The following MELK variants were observed in gnomAD, a reference collection of about 807,000 sequenced individuals.
MELK encodes the protein maternal embryonic leucine zipper kinase, also known as pEg3 kinase.
MELK carries 81 observed loss-of-function variants against 85.0 expected under a neutral mutation model. The observed-to-expected ratio is 0.95, with a 90% confidence interval of 0.80 to 1.15. The LOEUF is 1.15. MELK is among the 50% of genes most tolerant of loss of function. The pLI is 0.00. For missense variants in MELK, 754 were observed against 777.5 expected (o/e 0.97, Z 0.36); for synonymous variants, 252 against 265.0 (o/e 0.95, Z 0.48).
chr9:36,671,126 A>G lies in MELK; in HGVS notation c.1634A>G (p.Lys545Arg), dbSNP rs147882939. The change falls in exon 16 of 18, where the codon AAA (lysine) becomes AGA (arginine). Residue 545 changes from lysine (K) to arginine (R), a missense_variant. Physicochemically the swap from Lys to Arg is conservative, Grantham distance 26 (BLOSUM62 2). Coordinates refer to ENST00000298048, the MANE Select transcript of MELK (RefSeq NM_014791.4). ...DKVITVLTRS[K>R]RKGSARDGPR... ...GTTATCACTGTGCTCACCAGGAGCA[A>G]AAGGAAGGGTTCTGCCAGAGACGGG... is the stretch of plus-strand genomic sequence containing the variant. The G allele has an allele frequency of 6.2e-7, 1 of 1,610,456 alleles. No homozygotes were observed. The highest frequency in any genetic ancestry group is 2.2e-5 in the East Asian group (1 of 44,706).
intron 8 of MELK, among the ~76,000 whole-genome samples, chr9:36,616,994 AATTT>A (rs1211406628): frequency 2.0e-5 from 3 of 152,132 alleles, no homozygotes; most frequent in African/African-American, 7.2e-5. Context: ...CATGTACCAT[AATTT>A]ATTTAACCAG....
At chr9:36,643,334 G>C (rs1829934598) in intron 11 of MELK, among the ~76,000 whole-genome samples, 1 of 151,940 alleles carries the variant, frequency 6.6e-6, no homozygotes, top group Non-Finnish European at 1.5e-5. Context: ...AGTGAGCTGA[G>C]ATCACACCAC....
chr9:36,614,099 C>CTTT (rs112322490), intron 8 of MELK, among the ~76,000 whole-genome samples: 21 of 139,756 alleles, frequency 1.5e-4, no homozygotes, highest in African/African-American at 5.0e-4. Flanking sequence ...TACTAGATGT[C>CTTT]TTTTTTTTTT....
At chr9:36,607,387 TG>T (rs2135831131) in intron 7 of MELK, among the ~76,000 whole-genome samples, 187 bp from the exon 8 acceptor site, 1 of 152,330 alleles carries the variant, frequency 6.6e-6, no homozygotes, top group East Asian at 1.9e-4. Flanking sequence ...TCCAATTGAC[TG>T]GGTGACTTTA....
At chr9:36,651,935 T>G in intron 12 of MELK, 58 bp downstream of exon 12, 2 of 1,501,816 alleles carry the variant, frequency 1.3e-6, no homozygotes, top group Non-Finnish European at 1.8e-6. Flanking sequence ...TGAGTGTGTA[T>G]ACCACTGGGA....
intron 7 of MELK, among the ~76,000 whole-genome samples, chr9:36,606,227 A>G (rs941319015): frequency 6.6e-6 from 1 of 150,564 alleles, no homozygotes; most frequent in African/African-American, 2.4e-5. Context: ...GGTTTGTAGG[A>G]CTATTTGTGC....
chr9:36,668,292 A>G (rs1832570776), intron 14 of MELK, among the ~76,000 whole-genome samples: 1 of 152,202 alleles, frequency 6.6e-6, no homozygotes, highest in African/African-American at 2.4e-5. Flanking sequence ...AGTCATAAAC[A>G]AAACCAAGCC....
In MELK at chr9:36,626,413, A is replaced by G. The variant is rs145583157; in HGVS notation, c.667-3886A>G. Reference sequence around the variant, plus strand: ...AGACCCATTTAGATTAAGTAAACTTACTGAGGCTCCAGAAGGTCTTCGGGA... The same window carrying G: ...AGACCCATTTAGATTAAGTAAACTTGCTGAGGCTCCAGAAGGTCTTCGGGA... On this transcript the variant is annotated intron_variant, in intron 8 of 17. Transcript: ENST00000298048. 9.2e-4 allele frequency among the ~76,000 whole-genome samples: 140 copies of G among 152,326 alleles called. 4 individuals carry two copies. The East Asian group carries it at 0.022, about 23-fold the overall frequency.
At chr9:36,629,847 T>TG (rs1411540689) in intron 8 of MELK, among the ~76,000 whole-genome samples, 19 of 147,366 alleles carry the variant, frequency 1.3e-4, no homozygotes, top group African/African-American at 4.8e-4. Flanking sequence ...GAAATTGTTT[T>TG]TTTTTTTTTT....
At chr9:36,606,708 T>C (rs1419913069) in intron 7 of MELK, 3 of 147,958 alleles carry the variant, frequency 2.0e-5, no homozygotes, top group Non-Finnish European at 4.5e-5. Context: ...TATATGTATA[T>C]ATGGACATGC....
chr9:36,590,840 C>G (rs1348193570), intron 4 of MELK, among the ~76,000 whole-genome samples: 1 of 152,036 alleles, frequency 6.6e-6, no homozygotes, highest in African/African-American at 2.4e-5. Context: ...CTTTGGGAGG[C>G]TGAGGCGGGA....
intron 8 of MELK, among the ~76,000 whole-genome samples, chr9:36,611,578 A>C (rs984934034): frequency 2.6e-5 from 4 of 152,084 alleles, no homozygotes. Context: ...TTTGAAATTC[A>C]GAAGCTTCAG....
At chr9:36,613,576 A>T (rs1826254774) in intron 8 of MELK, among the ~76,000 whole-genome samples, 1 of 152,208 alleles carries the variant, frequency 6.6e-6, no homozygotes, top group Non-Finnish European at 1.5e-5. Flanking sequence ...AGGAGTACAG[A>T]TGGGGGAGTT....
At chr9:36,627,738 G>T (rs1257809684) in intron 8 of MELK, among the ~76,000 whole-genome samples, 1 of 151,764 alleles carries the variant, frequency 6.6e-6, no homozygotes, top group Admixed American at 6.6e-5. Context: ...CATTGGTCAG[G>T]CTGGTCTCAA....
chr9:36,667,612 C>T (rs901853591), intron 14 of MELK, among the ~76,000 whole-genome samples: 2 of 152,082 alleles, frequency 1.3e-5, no homozygotes, highest in South Asian at 2.1e-4. Context: ...GTTGTCATGA[C>T]GAGAAAGATT....
intron 5 of MELK, among the ~76,000 whole-genome samples, chr9:36,596,731 T>C (rs939742071): frequency 2.0e-5 from 3 of 151,512 alleles, no homozygotes; most frequent in Non-Finnish European, 4.4e-5. Context: ...GGATTACAGG[T>C]ATGCGCCACC....
intron 10 of MELK, among the ~76,000 whole-genome samples, chr9:36,640,032 A>G (rs145140519): frequency 6.6e-6 from 1 of 152,336 alleles, no homozygotes; most frequent in East Asian, 1.9e-4. Flanking sequence ...TCAAAGCAGC[A>G]CAATGAAAAC....
chr9:36,666,054 A>G (rs890659752), intron 14 of MELK, among the ~76,000 whole-genome samples: 2 of 152,144 alleles, frequency 1.3e-5, no homozygotes, highest in Admixed American at 6.6e-5. Context: ...GCCCTATGGT[A>G]TTACTGCCTG....
At chr9:36,584,140 G>A (rs1158102121) in intron 3 of MELK, among the ~76,000 whole-genome samples, 11 of 150,570 alleles carry the variant, frequency 7.3e-5, no homozygotes, top group Non-Finnish European at 1.0e-4. Context: ...CGAGTTGCTG[G>A]GACTACAGGC....
Sources: gnomAD v4.1 joint callset for allele counts (sites outside exome capture counted in the v4.1 genomes callset) on GRCh38, gnomAD v4.1.1 for gene constraint, MANE v1.5 for transcripts, NCBI Gene and HGNC (gene_info 2026-07-23, HGNC 2026-07-21) for gene names.